The following PPARGC1A variants were observed in gnomAD, a reference collection of about 807,000 sequenced individuals.
PPARGC1A encodes peroxisome proliferator-activated receptor gamma coactivator 1-alpha.
A neutral mutation model predicts 88.7 loss-of-function variants in PPARGC1A; 25 were observed. The ratio of observed to expected loss-of-function variants is 0.28; its 90% CI spans 0.21 to 0.39. The LOEUF is 0.39. PPARGC1A is among the 10% of genes least tolerant of loss of function. The probability of loss-of-function intolerance (pLI) is 1.00; values close to 1 mark genes in which losing one functional copy is unlikely to be tolerated. For missense variants in PPARGC1A, 880 were observed against 968.7 expected (o/e 0.91, Z 1.22); for synonymous variants, 363 against 355.6 (o/e 1.02, Z -0.24).
At chr4:24,441,727 G>T in the PPARGC1A span, among the ~76,000 whole-genome samples, 1 of 152,142 alleles carries the variant, frequency 6.6e-6, no homozygotes, top group Non-Finnish European at 1.5e-5. Flanking sequence ...AGGAAGAAAG[G>T]AGGAAAGGAG....
At chr4:23,848,641 T>TC in intron 2 of PPARGC1A, among the ~76,000 whole-genome samples, 1 of 152,276 alleles carries the variant, frequency 6.6e-6, no homozygotes, top group South Asian at 2.1e-4. Context: ...GCTCAATTTG[T>TC]CCCCGGAAGA....
chr4:24,095,752 C>T, the PPARGC1A span, among the ~76,000 whole-genome samples: 1 of 152,190 alleles, frequency 6.6e-6, no homozygotes, highest in Non-Finnish European at 1.5e-5. Flanking sequence ...AACCAAGGCA[C>T]TGGCAGGTCC....
the PPARGC1A span, among the ~76,000 whole-genome samples, chr4:23,915,908 C>G: frequency 6.6e-6 from 1 of 152,184 alleles, no homozygotes; most frequent in Non-Finnish European, 1.5e-5. Flanking sequence ...ACCACCCCCT[C>G]CCTGTGCCTT....
the PPARGC1A span, among the ~76,000 whole-genome samples, chr4:24,089,790 G>A: frequency 1.3e-5 from 2 of 152,064 alleles, no homozygotes; most frequent in Admixed American, 6.5e-5. Flanking sequence ...GATTACAGGC[G>A]TGAGCCACCG....
chr4:23,971,279 G>A, the PPARGC1A span, among the ~76,000 whole-genome samples: 1 of 152,052 alleles, frequency 6.6e-6, no homozygotes. Flanking sequence ...TGTATTACAT[G>A]GTTACTGATG....
intron 2 of PPARGC1A, chr4:23,884,441 G>T (rs544718713): frequency 2.1e-5 from 8 of 377,994 alleles, no homozygotes; most frequent in African/African-American, 1.5e-4. Flanking sequence ...GGAATAAACA[G>T]GTTTAGACTT....
the PPARGC1A span, among the ~76,000 whole-genome samples, chr4:24,359,152 G>A: frequency 1.3e-5 from 2 of 152,130 alleles, no homozygotes; most frequent in African/African-American, 4.8e-5. Context: ...TTGAGGGCTG[G>A]GAATAGAACA....
the PPARGC1A span, among the ~76,000 whole-genome samples, chr4:24,031,834 A>G: frequency 1.3e-4 from 20 of 152,320 alleles, 1 homozygote; most frequent in East Asian, 3.7e-3. Context: ...AGGATGCACA[A>G]TCTCAGAAGA....
chr4:24,428,934 A>G, the PPARGC1A span, among the ~76,000 whole-genome samples: 1 of 152,228 alleles, frequency 6.6e-6, no homozygotes, highest in Non-Finnish European at 1.5e-5. Flanking sequence ...ACCCAGTACC[A>G]CAAGCCATTG....
chr4:23,877,118 T>C (rs55913146), intron 2 of PPARGC1A, among the ~76,000 whole-genome samples: 27,486 of 152,076 alleles, frequency 0.18, 3,200 homozygotes, highest in Middle Eastern at 0.35. Flanking sequence ...AGAGTGTGTA[T>C]TTCATTGTGG....
At position 23,795,928 on chromosome 4, in the gene PPARGC1A, GA is replaced by G. The variant is rs751556347; in HGVS notation, c.2294-4del. On this transcript the variant is annotated splice_region_variant and splice_polypyrimidine_tract_variant and intron_variant, in intron 12 of 12. Coordinates refer to ENST00000264867, the MANE Select transcript of PPARGC1A (RefSeq NM_013261.5). ...GTCAAAGTCATCTGAGTTTGAATCT[GA>G]AAAAAAACACAAGCCAGTTTAGATA... The G allele has an allele frequency of 6.3e-6, 10 of 1,598,444 alleles. No homozygotes were observed. Among genetic ancestry groups the G allele is most frequent in the African/African-American group, 2.7e-5 (2 of 73,578 alleles).
the PPARGC1A span, among the ~76,000 whole-genome samples, chr4:23,991,663 A>G: frequency 2.0e-5 from 3 of 152,014 alleles, no homozygotes; most frequent in Non-Finnish European, 4.4e-5. Context: ...TAAGAGTTTC[A>G]TTTGACCACT....
chr4:23,801,835 C>T lies in PPARGC1A; in HGVS notation c.2188G>A (p.Ala730Thr), dbSNP rs769151994. Reference protein sequence around the residue: ...ITYRYTCDAFAALENGYTLRR... With the variant: ...ITYRYTCDAFTALENGYTLRR... ...AAAGTGTATCCATTTTCAAGAGCAG[C>T]AAAAGCATCACAGGTATAACGGTAG... is the stretch of plus-strand genomic sequence containing the variant. The change falls in exon 12 of 13, where the codon GCT (alanine) becomes ACT (threonine). Residue 730 changes from alanine (A) to threonine (T), a missense_variant. Transcript: ENST00000264867. The T allele has an allele frequency of 4.3e-5, 69 of 1,613,880 alleles. No homozygotes were observed. Among genetic ancestry groups the T allele is most frequent in the Non-Finnish European group, 5.3e-5 (62 of 1,179,980 alleles).
At chr4:24,384,203 A>G in the PPARGC1A span, among the ~76,000 whole-genome samples, 99 of 152,330 alleles carry the variant, frequency 6.5e-4, no homozygotes, top group African/African-American at 2.1e-3. Context: ...TGTCACCACC[A>G]GGTCTGCCTT....
At chr4:23,810,327 A>G (rs1396079135) in intron 10 of PPARGC1A, among the ~76,000 whole-genome samples, 2 of 151,312 alleles carry the variant, frequency 1.3e-5, no homozygotes, top group African/African-American at 2.4e-5. Flanking sequence ...TCAAGTTGAC[A>G]CTTGTATTAC....
chr4:24,147,145 C>T, the PPARGC1A span, among the ~76,000 whole-genome samples: 1 of 152,170 alleles, frequency 6.6e-6, no homozygotes, highest in African/African-American at 2.4e-5. Flanking sequence ...CGCTCCTCCT[C>T]ACATTTACAC....
At chr4:24,103,268 G>A in the PPARGC1A span, among the ~76,000 whole-genome samples, 1 of 152,052 alleles carries the variant, frequency 6.6e-6, no homozygotes, top group South Asian at 2.1e-4. Context: ...ACTCTCAACT[G>A]CCTTCCCTTC....
chr4:23,932,981 A>C, the PPARGC1A span, among the ~76,000 whole-genome samples: 6 of 152,226 alleles, frequency 3.9e-5, no homozygotes, highest in African/African-American at 1.2e-4. Context: ...CCAGTTGGGC[A>C]GAGTTTTCCC....
chr4:23,933,764 G>A, the PPARGC1A span, among the ~76,000 whole-genome samples: 2 of 152,162 alleles, frequency 1.3e-5, no homozygotes, highest in Non-Finnish European at 2.9e-5. Context: ...TCTTTGGAAG[G>A]CACTTTCACA....
Sources: allele counts gnomAD v4.1 joint callset (sites outside exome capture counted in the v4.1 genomes callset), GRCh38; gene constraint gnomAD v4.1.1; transcripts MANE v1.5; gene names NCBI Gene and HGNC (gene_info 2026-07-23, HGNC 2026-07-21).